Variants in TANC2 observed in about 807,000 individuals in gnomAD.
TANC2 encodes tetratricopeptide repeat, ankyrin repeat and coiled-coil containing 2.
A neutral mutation model predicts 210.5 loss-of-function variants in TANC2; 26 were observed. The observed-to-expected ratio is 0.12, with a 90% CI of 0.09 to 0.17. The LOEUF is 0.17. Ranked by LOEUF, TANC2 falls within the 10% of genes least tolerant of loss-of-function variation. TANC2 has a pLI of 1.00. For synonymous variants in TANC2, 931 were observed against 967.1 expected (o/e 0.96, Z 0.69); for missense variants, 2,129 against 2,608.9 (o/e 0.82, Z 4.01).
exon 14 of TANC2, chr17:63,354,986 G>A (rs751249975): frequency 1.9e-6 from 3 of 1,613,754 alleles, no homozygotes; most frequent in Non-Finnish European, 2.5e-6. Flanking sequence ...TCAGTCAAGG[G>A]TCCTATCTAT....
At chr17:63,362,115 C>T (rs2046977562) in intron 14 of TANC2, among the ~76,000 whole-genome samples, 1 of 151,862 alleles carries the variant, frequency 6.6e-6, no homozygotes. Flanking sequence ...AGTGTGCAAC[C>T]CTCAGCAGAG....
chr17:63,386,663 G>A (rs376653701), intron 15 of TANC2, among the ~76,000 whole-genome samples: 21 of 152,150 alleles, frequency 1.4e-4, no homozygotes, highest in African/African-American at 2.6e-4. Context: ...TGTATTTTGC[G>A]TATATATAGA....
At chr17:63,184,111 C>T (rs767578103) in intron 5 of TANC2, among the ~76,000 whole-genome samples, 23 of 151,830 alleles carry the variant, frequency 1.5e-4, no homozygotes, top group Non-Finnish European at 2.6e-4. Flanking sequence ...CTATTTAAAA[C>T]ATAACATATT....
At chr17:62,994,910 A>G (rs965880344) in intron 1 of TANC2, among the ~76,000 whole-genome samples, 4 of 152,342 alleles carry the variant, frequency 2.6e-5, no homozygotes, top group Middle Eastern at 3.4e-3. Flanking sequence ...GTAGAAAATG[A>G]AAATTCTTGT....
chr17:63,173,423 T>G (rs2040476434), intron 5 of TANC2, among the ~76,000 whole-genome samples: 2 of 152,178 alleles, frequency 1.3e-5, no homozygotes, highest in Non-Finnish European at 2.9e-5. Flanking sequence ...CAGGGCTTGA[T>G]TATTAACTGA....
At chr17:63,258,762 CA>C (rs2043272270) in intron 8 of TANC2, among the ~76,000 whole-genome samples, 1 of 152,112 alleles carries the variant, frequency 6.6e-6, no homozygotes, top group Admixed American at 6.5e-5. Context: ...AAGGCAGGTC[CA>C]GAAATGCCAT....
chr17:62,989,205 C>CT (rs1211190989), intron 1 of TANC2, among the ~76,000 whole-genome samples: 1 of 152,158 alleles, frequency 6.6e-6, no homozygotes, highest in Non-Finnish European at 1.5e-5. Flanking sequence ...AAATTATCTG[C>CT]AGTACCTGCT....
intron 2 of TANC2, among the ~76,000 whole-genome samples, chr17:63,021,317 G>T (rs1374750263): frequency 6.6e-6 from 1 of 152,196 alleles, no homozygotes; most frequent in Non-Finnish European, 1.5e-5. Flanking sequence ...TTGAGGCATG[G>T]TCCCCGATGT....
At chr17:63,063,120 T>C (rs929866983) in intron 2 of TANC2, among the ~76,000 whole-genome samples, 2 of 152,216 alleles carry the variant, frequency 1.3e-5, no homozygotes, top group African/African-American at 4.8e-5. Context: ...TACACATGTT[T>C]AGCTGTTTAT....
At chr17:63,295,953 G>A (rs1443431) in intron 9 of TANC2, among the ~76,000 whole-genome samples, 21,104 of 152,034 alleles carry the variant, frequency 0.14, 3,568 homozygotes, top group African/African-American at 0.41. Context: ...CCCAAGTCAT[G>A]GAGCCAGCTG....
intron 9 of TANC2, among the ~76,000 whole-genome samples, chr17:63,273,724 G>A (rs1042590455): frequency 6.6e-6 from 1 of 152,098 alleles, no homozygotes; most frequent in African/African-American, 2.4e-5. Context: ...CTTCAATACT[G>A]CCTCTCACTG....
At chr17:63,354,869 C>T in exon 14 of TANC2, 1 of 1,613,750 alleles carries the variant, frequency 6.2e-7, no homozygotes, top group Non-Finnish European at 8.5e-7. Flanking sequence ...TGCAGGCTTA[C>T]ATCCTGCACC....
chr17:63,293,135 C>A (rs1598791581), intron 9 of TANC2, among the ~76,000 whole-genome samples: 1 of 152,048 alleles, frequency 6.6e-6, no homozygotes, highest in East Asian at 1.9e-4. Context: ...GAATAGCTGC[C>A]CACTCTAGTC....
intron 6 of TANC2, among the ~76,000 whole-genome samples, chr17:63,199,724 G>A (rs1295638676): frequency 6.6e-6 from 1 of 151,974 alleles, no homozygotes; most frequent in Admixed American, 6.6e-5. Context: ...AAAGTGAATT[G>A]TCATTAAATT....
intron 1 of TANC2, among the ~76,000 whole-genome samples, chr17:63,002,752 T>C (rs2033444206): frequency 6.6e-6 from 1 of 152,206 alleles, no homozygotes; most frequent in South Asian, 2.1e-4. Flanking sequence ...CATATGCTTC[T>C]ATGTAAAGGT....
intron 1 of TANC2, among the ~76,000 whole-genome samples, chr17:63,002,634 G>T (rs745848633): frequency 1.3e-5 from 2 of 151,994 alleles, no homozygotes; most frequent in African/African-American, 2.4e-5. Flanking sequence ...AAGGTTCCTC[G>T]TGCCATTTCT....
At chr17:63,210,882 A>G (rs2041865168) in intron 7 of TANC2, among the ~76,000 whole-genome samples, 1 of 152,114 alleles carries the variant, frequency 6.6e-6, no homozygotes, top group Admixed American at 6.6e-5. Context: ...GTTTCCTTGT[A>G]GTTTTTAATC....
chr17:63,054,719 T>C (rs1301160091), intron 2 of TANC2, among the ~76,000 whole-genome samples: 1 of 152,140 alleles, frequency 6.6e-6, no homozygotes, highest in Non-Finnish European at 1.5e-5. Context: ...TCCTTCCTTT[T>C]GTATTTTCTT....
intron 6 of TANC2, among the ~76,000 whole-genome samples, chr17:63,195,941 G>A (rs1340367045): frequency 6.6e-6 from 1 of 151,862 alleles, no homozygotes; most frequent in Non-Finnish European, 1.5e-5. Flanking sequence ...CTTGTCGTTC[G>A]CCAGTCACAT....
Sources: allele counts gnomAD v4.1 joint callset (sites outside exome capture counted in the v4.1 genomes callset), GRCh38; gene constraint gnomAD v4.1.1; transcripts MANE v1.5; gene names NCBI Gene and HGNC (gene_info 2026-07-23, HGNC 2026-07-21).